CHRM5: variants seen among roughly 807,000 people sequenced by gnomAD.
The protein encoded by CHRM5 is muscarinic acetylcholine receptor M5.
CHRM5 carries 18 observed loss-of-function variants against 39.0 expected under a neutral mutation model. The observed-to-expected ratio is 0.46, with a 90% CI of 0.32 to 0.68. The LOEUF (loss-of-function observed/expected upper bound fraction) is 0.68, where lower values mean the gene tolerates loss of function less well. CHRM5 is among the 30% of genes least tolerant of loss of function. The probability of loss-of-function intolerance (pLI) is 0.04; values close to 1 mark genes in which losing one functional copy is unlikely to be tolerated. For missense variants in CHRM5, 515 were observed against 651.1 expected (o/e 0.79, Z 2.28); for synonymous variants, 241 against 246.3 (o/e 0.98, Z 0.20).
At chr15:34,017,200 C>T (rs1021216817) in intron 1 of CHRM5, among the ~76,000 whole-genome samples, 1 of 152,014 alleles carries the variant, frequency 6.6e-6, no homozygotes, top group African/African-American at 2.4e-5. Context: ...GTCTCAAATC[C>T]ACCCACTCTG....
chr15:34,039,220 G>A, intron 1 of CHRM5: 1 of 449,592 alleles, frequency 2.2e-6, no homozygotes, highest in Non-Finnish European at 3.0e-6. Context: ...GGGGCGGGGC[G>A]GGGCGGCCGG....
chr15:34,041,927 G>A (rs1899491920), intron 1 of CHRM5, among the ~76,000 whole-genome samples: 2 of 152,290 alleles, frequency 1.3e-5, no homozygotes, highest in South Asian at 4.1e-4. Flanking sequence ...CCGGGGGTAT[G>A]TTACTCTCCA....
At chr15:33,982,988 ACCTCTTAACTGC>A (rs1489964836) in intron 1 of CHRM5, among the ~76,000 whole-genome samples, 1 of 86,304 alleles carries the variant, frequency 1.2e-5, no homozygotes, top group Admixed American at 1.0e-4. Flanking sequence ...GAAAGACTGC[ACCTCTTAACTGC>A]ATGGACCATG....
chr15:34,063,950 G>C lies in CHRM5; in HGVS notation c.1233G>C (p.Lys411Asn). ...TGCCCTGCCCCTTCCCAGTGGCCAA[G>C]GAACCTTCAACGAAAGGCCTCAATC... is the stretch of plus-strand genomic sequence containing the variant. ...KIMPCPFPVA[K>N]EPSTKGLNPN... Residue 411 changes from lysine to asparagine, a missense_variant, in exon 3 of 3, where the codon AAG (lysine) becomes AAC (asparagine). Coordinates refer to ENST00000383263, the MANE Select transcript of CHRM5 (RefSeq NM_012125.4). This position sits in a 1 kb window ranked among gnomAD's most constrained non-coding sequence, Gnocchi z 4.1. 6.2e-7 allele frequency: 1 copy of C among 1,614,132 alleles called. No individual in the cohort carries two copies. Among genetic ancestry groups the C allele is most frequent in the African/African-American group, 1.3e-5 (1 of 75,028 alleles).
chr15:34,030,006 C>T (rs1898694483), intron 1 of CHRM5, among the ~76,000 whole-genome samples: 1 of 152,158 alleles, frequency 6.6e-6, no homozygotes, highest in South Asian at 2.1e-4. Flanking sequence ...GTAATCCCAG[C>T]ACTTTGGGAG....
chr15:34,038,850 C>T lies in CHRM5; in HGVS notation c.-407-7690C>T, dbSNP rs1402695265. ...GCCTCGCGGGGCGCCTCCTCCTCCT[C>T]GGCCTCCGCGAGCGCCGCGGAAGCC... is the stretch of plus-strand genomic sequence containing the variant. On this transcript the variant is annotated intron_variant, in intron 1 of 2. Transcript: ENST00000383263. 17 of 1,165,258 alleles carry T rather than the reference C, an allele frequency of 1.5e-5. No homozygotes were observed. The highest frequency in any genetic ancestry group is 3.3e-5 in the African/African-American group (2 of 60,840). The allele number at this position is 1,165,258 out of a possible 1,614,324, so 72.2% of individuals were successfully genotyped here.
chr15:33,992,332 G>A lies in CHRM5; in HGVS notation c.-408+23182G>A, dbSNP rs375933643. On this transcript the variant is annotated intron_variant, in intron 1 of 2. Transcript: ENST00000383263. The stretch of plus-strand genomic sequence containing the variant: ...GTCAGCCCGGGGGGCGGAGCTTGCA[G>A]TGAGCCGAGATTGCGCCACTGCACT... Among the ~76,000 whole-genome samples, 4 of 152,250 alleles carry A rather than the reference G, an allele frequency of 2.6e-5. No homozygotes were observed. In the East Asian group the frequency reaches 5.8e-4, roughly 22 times the overall value.
chr15:34,050,063 T>A (rs906804976), intron 2 of CHRM5, among the ~76,000 whole-genome samples: 1 of 151,860 alleles, frequency 6.6e-6, no homozygotes, highest in African/African-American at 2.4e-5. Context: ...AATTTTTGTA[T>A]TTTTAGTAGA....
chr15:34,027,225 G>A (rs1597367654), intron 1 of CHRM5, among the ~76,000 whole-genome samples: 1 of 151,954 alleles, frequency 6.6e-6, no homozygotes, highest in Non-Finnish European at 1.5e-5. Flanking sequence ...GTCTGCAGTT[G>A]CTTTGAAAAT....
intron 1 of CHRM5, chr15:34,038,936 TCTGGCTACCGCCG>T (rs1223366421): frequency 9.1e-7 from 1 of 1,094,124 alleles, no homozygotes; most frequent in Non-Finnish European, 1.1e-6. Context: ...CGCCGCCGCC[TCTGGCTACCGCCG>T]CTGCGGCTCC....
chr15:34,021,170 G>GA (rs1898183376), intron 1 of CHRM5, among the ~76,000 whole-genome samples: 1 of 151,902 alleles, frequency 6.6e-6, no homozygotes. Flanking sequence ...ATTTTTCTAT[G>GA]AAAAAATTGC....
intron 2 of CHRM5, among the ~76,000 whole-genome samples, chr15:34,060,597 C>T (rs191281360): frequency 3.9e-5 from 6 of 152,236 alleles, no homozygotes; most frequent in Admixed American, 2.0e-4. Flanking sequence ...AGATTTTCAC[C>T]GGGCACGGTG....
chr15:34,039,173 G>A (rs983613850), intron 1 of CHRM5: 72 of 835,054 alleles, frequency 8.6e-5, no homozygotes, highest in Non-Finnish European at 4.0e-5. Context: ...GAGGCGCGGG[G>A]TGCGGGGCTA....
At chr15:34,028,612 G>A (rs532306464) in intron 1 of CHRM5, among the ~76,000 whole-genome samples, 1 of 152,064 alleles carries the variant, frequency 6.6e-6, no homozygotes, top group Non-Finnish European at 1.5e-5. Flanking sequence ...GAATGAGAGA[G>A]GACAGCAAAG....
At chr15:33,995,326 TAAA>T (rs891189177) in intron 1 of CHRM5, among the ~76,000 whole-genome samples, 2 of 152,068 alleles carry the variant, frequency 1.3e-5, no homozygotes, top group Non-Finnish European at 2.9e-5. Flanking sequence ...AAAATACAAA[TAAA>T]AAATAATACA....
At chr15:33,980,447 C>T (rs1234204372) in intron 1 of CHRM5, among the ~76,000 whole-genome samples, 10 of 152,186 alleles carry the variant, frequency 6.6e-5, no homozygotes, top group Non-Finnish European at 1.2e-4. Context: ...ACTCTCCAAA[C>T]GTGCTGCCTC....
chr15:34,038,915 G>A (rs985102931), intron 1 of CHRM5: 4 of 721,740 alleles, frequency 5.5e-6, no homozygotes, highest in African/African-American at 2.0e-5. Context: ...CTCCGTCCCC[G>A]CCGCCGCCTC....
intron 1 of CHRM5, among the ~76,000 whole-genome samples, chr15:33,990,381 GA>G (rs907528236): frequency 1.2e-3 from 176 of 147,028 alleles, no homozygotes; most frequent in African/African-American, 3.9e-3. Flanking sequence ...GACCCTGTCT[GA>G]AAAAAAAAAG....
At chr15:34,018,721 T>C (rs1475285598) in intron 1 of CHRM5, among the ~76,000 whole-genome samples, 1 of 152,212 alleles carries the variant, frequency 6.6e-6, no homozygotes, top group African/African-American at 2.4e-5. Flanking sequence ...TTTATTCCCT[T>C]ATTTGGCCCT....
Sources: allele counts gnomAD v4.1 joint callset (sites outside exome capture counted in the v4.1 genomes callset), GRCh38; gene constraint gnomAD v4.1.1; non-coding constraint Gnocchi (gnomAD v3.1); transcripts MANE v1.5; gene names NCBI Gene and HGNC (gene_info 2026-07-23, HGNC 2026-07-21).